Variants in AURKA observed in about 807,000 individuals in gnomAD.
The protein encoded by AURKA is aurora 2.
A neutral mutation model predicts 40.9 loss-of-function variants in AURKA; 12 were observed. That is an observed-to-expected ratio of 0.29 (90% CI 0.19 to 0.48). AURKA has a LOEUF of 0.48. AURKA is among the 20% of genes least tolerant of loss of function. AURKA has a pLI of 0.99. For synonymous variants in AURKA, 170 were observed against 164.3 expected, an observed-to-expected ratio of 1.03 and a Z score of -0.26; for missense variants, 322 against 462.1, an observed-to-expected ratio of 0.70 and a Z score of 2.78.
chr20:56,376,648 T>G (rs573462726), intron 6 of AURKA, among the ~76,000 whole-genome samples: 1 of 151,934 alleles, frequency 6.6e-6, no homozygotes, highest in Admixed American at 6.5e-5. Flanking sequence ...TTTATCAAGC[T>G]GCCAATCCAA....
Position 56,370,085 on chromosome 20 carries a change from T to C in AURKA, c.*73A>G. On this transcript the variant is annotated 3_prime_UTR_variant, in exon 9 of 9. Transcript: ENST00000395915. ...TTGAGGGCAGCAGTCAATGGTAAAA[T>C]AAACTTCAGTAGCATGTTCCTGTCA... The C allele has an allele frequency of 6.4e-7, 1 of 1,570,214 alleles. No individual in the cohort carries two copies. Among genetic ancestry groups the C allele is most frequent in the Non-Finnish European group, 8.8e-7 (1 of 1,142,384 alleles).
chr20:56,378,633 A>G (rs951194427), intron 6 of AURKA, among the ~76,000 whole-genome samples: 5 of 152,238 alleles, frequency 3.3e-5, no homozygotes, highest in African/African-American at 1.2e-4. Flanking sequence ...CAGCCAAGAT[A>G]CCCTTCAGTA....
chr20:56,375,958 C>G (rs1984870999), intron 6 of AURKA, among the ~76,000 whole-genome samples: 1 of 152,202 alleles, frequency 6.6e-6, no homozygotes, highest in African/African-American at 2.4e-5. Flanking sequence ...TGTATTCATT[C>G]TAACTGCTAA....
At chr20:56,384,191 G>T (rs930279549) in intron 4 of AURKA, 79 bp downstream of exon 4, 21 of 1,170,118 alleles carry the variant, frequency 1.8e-5, no homozygotes, top group Non-Finnish European at 2.3e-5. Flanking sequence ...TTTTTCCCCA[G>T]AGTTCCCACA....
At chr20:56,379,282 G>A (rs1164010302) in intron 6 of AURKA, among the ~76,000 whole-genome samples, 1 of 152,184 alleles carries the variant, frequency 6.6e-6, no homozygotes, top group Non-Finnish European at 1.5e-5. Context: ...TATTGGAATT[G>A]AATAAGTAAA....
chr20:56,380,921 A>G (rs1297088007), intron 6 of AURKA, among the ~76,000 whole-genome samples: 1 of 152,124 alleles, frequency 6.6e-6, no homozygotes, highest in Non-Finnish European at 1.5e-5. Flanking sequence ...TTAGTAGGAG[A>G]ATTAGTAGGA....
chr20:56,391,722 C>A (rs1032177999), intron 1 of AURKA, among the ~76,000 whole-genome samples: 1 of 152,138 alleles, frequency 6.6e-6, no homozygotes, highest in Non-Finnish European at 1.5e-5. Context: ...TAAAGCGGCC[C>A]CCGTTAAACC....
chr20:56,369,841 C>A lies in AURKA; in HGVS notation c.*317G>T. ...AGTGGTCACTTTCCCCACAGCCAGGCTCTGGATTTGCCTCCTGTGAAGACA... is the reference window on the plus strand; with the variant it reads ...AGTGGTCACTTTCCCCACAGCCAGGATCTGGATTTGCCTCCTGTGAAGACA... On this transcript the variant is annotated 3_prime_UTR_variant, in exon 9 of 9. Coordinates refer to ENST00000395915, the MANE Select transcript of AURKA (RefSeq NM_198437.3). 2.1e-6 allele frequency: 1 copy of A among 487,050 alleles called. No individual in the cohort carries two copies. The highest frequency in any genetic ancestry group is 5.8e-4 in the Middle Eastern group (1 of 1,714). 30.2% of individuals were successfully genotyped at this position (487,050 alleles called of 1,614,324 possible).
chr20:56,370,051 C>G lies in AURKA; in HGVS notation c.*107G>C. On this transcript the variant is annotated 3_prime_UTR_variant, in exon 9 of 9. Coordinates refer to ENST00000395915, the MANE Select transcript of AURKA (RefSeq NM_198437.3). ...AGTAAAACAAATATTTCTTGTGTAG[C>G]GTTCTAGATTGAGGGCAGCAGTCAA... The G allele has an allele frequency of 1.5e-6, 2 of 1,358,784 alleles. No homozygotes were observed. Among genetic ancestry groups the G allele is most frequent in the Non-Finnish European group, 2.1e-6 (2 of 952,874 alleles). 84.2% of individuals were successfully genotyped at this position (1,358,784 alleles called of 1,614,324 possible).
chr20:56,387,295 G>C (rs1005793144), intron 2 of AURKA, among the ~76,000 whole-genome samples: 3 of 152,166 alleles, frequency 2.0e-5, no homozygotes, highest in Non-Finnish European at 4.4e-5. Context: ...TGGGACGACA[G>C]GCGCCTGCCA....
chr20:56,386,415 G>A lies in AURKA; in HGVS notation c.161C>T (p.Ser54Phe), dbSNP rs1986382866. ...AQRVLCPSNS[S>F]QRIPLQAQKL... ...TTGTGCTTGCAAAGGAATGCGCTGG[G>A]AAGAATTTGAAGGACACAAGACCCG... Residue 54 changes from serine to phenylalanine, a missense_variant, in exon 3 of 9, where the codon TCC becomes TTC. By Grantham distance (155) the Ser-to-Phe change is radical. Transcript: ENST00000395915. 6.2e-7 allele frequency: 1 copy of A among 1,614,054 alleles called. No homozygotes were observed. The highest frequency in any genetic ancestry group is 1.7e-5 in the Admixed American group (1 of 59,996).
intron 3 of AURKA, among the ~76,000 whole-genome samples, chr20:56,385,624 G>T (rs1986259564): frequency 6.6e-6 from 1 of 152,016 alleles, no homozygotes; most frequent in Admixed American, 6.6e-5. Flanking sequence ...ACCACGCCTG[G>T]CTAATTTTGT....
rs141918262 is a variant in AURKA at position 56,369,808 on chromosome 20, C to G, written c.*350G>C. 7.7e-4 allele frequency: 360 copies of G among 468,480 alleles called. No homozygotes were observed. The highest frequency in any genetic ancestry group is 6.6e-3 in the African/African-American group (343 of 51,810). The allele number at this position is 468,480 out of a possible 1,614,324, so 29.0% of individuals were successfully genotyped here. On this transcript the variant is annotated 3_prime_UTR_variant, in exon 9 of 9. Transcript: ENST00000395915. ...GCACAGCTCCTTAACTGATCGGGGT[C>G]AGGGCAGAGTGGTCACTTTCCCCAC... is the stretch of plus-strand genomic sequence containing the variant.
chr20:56,374,906 A>G (rs1390842214), intron 6 of AURKA, among the ~76,000 whole-genome samples: 1 of 152,040 alleles, frequency 6.6e-6, no homozygotes, highest in Non-Finnish European at 1.5e-5. Context: ...AAATTAGCCA[A>G]GTGTAGTGGT....
chr20:56,387,319 AT>A (rs1483757251), intron 2 of AURKA, among the ~76,000 whole-genome samples: 12 of 152,150 alleles, frequency 7.9e-5, no homozygotes, highest in African/African-American at 2.9e-4. Context: ...CGCCTGGCTA[AT>A]TTTTTGTATT....
intron 6 of AURKA, among the ~76,000 whole-genome samples, chr20:56,376,380 C>T (rs1984923428): frequency 6.6e-6 from 1 of 151,950 alleles, no homozygotes; most frequent in Admixed American, 6.6e-5. Flanking sequence ...TTTAAAAAAG[C>T]AAATTAGAGA....
rs945837311 is a variant in AURKA at position 56,381,652 on chromosome 20, T to C, written c.567-81A>G. The C allele has an allele frequency of 3.8e-6, 6 of 1,558,622 alleles. No individual in the cohort carries two copies. The African/African-American group carries it at 5.4e-5, about 14-fold the overall frequency. On this transcript the variant is annotated intron_variant, in intron 5 of 8. Transcript: ENST00000395915. ...TACAAAATGTCAAACAAACTCTTCA[T>C]GTAAAACCAGTGGTGTTTCACATGA...
At chr20:56,381,404 A>T in intron 6 of AURKA, 29 bp downstream of exon 6, 1 of 1,611,330 alleles carries the variant, frequency 6.2e-7, no homozygotes, top group Admixed American at 1.7e-5. Context: ...AGGAAACACA[A>T]TTAGCCTGGA....
In AURKA at chr20:56,373,624, T is replaced by C. The variant is rs1317999238; in HGVS notation, c.706-68A>G. ...AACACAAGTTAATATTAGACATCTC[T>C]TCCGAAAGGAACACAACATAGATTT... On this transcript the variant is annotated intron_variant, in intron 6 of 8. Transcript: ENST00000395915. This position sits in a 1 kb window ranked among gnomAD's most constrained non-coding sequence, Gnocchi z 5.0. The C allele has an allele frequency of 1.3e-6, 2 of 1,555,678 alleles. No individual in the cohort carries two copies. The highest frequency in any genetic ancestry group is 1.8e-6 in the Non-Finnish European group (2 of 1,130,594).
Sources: allele counts gnomAD v4.1 joint callset (sites outside exome capture counted in the v4.1 genomes callset), GRCh38; gene constraint gnomAD v4.1.1; non-coding constraint Gnocchi (gnomAD v3.1); transcripts MANE v1.5; gene names NCBI Gene and HGNC (gene_info 2026-07-23, HGNC 2026-07-21).